HCN4: variants seen among roughly 807,000 people sequenced by gnomAD.
HCN4 encodes the protein hyperpolarization activated cyclic nucleotide gated potassium channel 4.
A neutral mutation model predicts 76.9 loss-of-function variants in HCN4; 29 were observed. The observed-to-expected ratio is 0.38, with a 90% CI of 0.28 to 0.51. The LOEUF (loss-of-function observed/expected upper bound fraction) is 0.51, where lower values mean the gene tolerates loss of function less well. HCN4 is among the 20% of genes least tolerant of loss of function. The pLI, the probability that HCN4 is intolerant of heterozygous loss-of-function variation, is 0.90. For synonymous variants in HCN4, 772 were observed against 762.5 expected (o/e 1.01, Z -0.21); for missense variants, 1,416 against 1,715.2 (o/e 0.83, Z 3.08).
At position 73,323,222 on chromosome 15, in the gene HCN4, G is replaced by A. The variant is rs1325928909; in HGVS notation, c.2871C>T (p.His957=). 2.6e-6 allele frequency: 4 copies of A among 1,529,824 alleles called. No homozygotes were observed. The highest frequency in any genetic ancestry group is 2.6e-5 in the South Asian group (2 of 78,156). The allele number at this position is 1,529,824 out of a possible 1,614,324, so 94.8% of individuals were successfully genotyped here. A position where few individuals can be genotyped will look rare whatever the true frequency, so the allele number is the denominator to read the frequency against. ...GARGGLGLPE[H]FLPPPPSSRS... ...TGGATGAGGGTGGGGGTGGCAGGAA[G>A]TGCTCCGGGAGTCCCAGGCCTCCCC... Residue 957 remains histidine, a synonymous_variant, in exon 8 of 8, where the codon CAC becomes CAT. Coordinates refer to ENST00000261917, the MANE Select transcript of HCN4 (RefSeq NM_005477.3).
chr15:73,343,639 C>G lies in HCN4; in HGVS notation c.955G>C (p.Val319Leu). The change falls in exon 2 of 8, where the codon GTG becomes CTG. Residue 319 changes from valine to leucine, a missense_variant. By Grantham distance (32) the Val-to-Leu change is conservative. Coordinates refer to ENST00000261917, the MANE Select transcript of HCN4 (RefSeq NM_005477.3). This position sits in a 1 kb window ranked among gnomAD's most constrained non-coding sequence, Gnocchi z 5.7. ...DLVLNFRTGI[V>L]VEDNTEIILD... ...ATGATCTCTGTGTTGTCCTCCACCA[C>G]GATCCCTGTGCGGAAGTTGAGGACC... The G allele has an allele frequency of 6.2e-7, 1 of 1,614,158 alleles. No homozygotes were observed. Among genetic ancestry groups the G allele is most frequent in the Non-Finnish European group, 8.5e-7 (1 of 1,180,020 alleles).
chr15:73,368,071 G>C lies in HCN4; in HGVS notation c.200C>G (p.Ser67Cys). 4.0e-6 allele frequency: 6 copies of C among 1,486,282 alleles called. No homozygotes were observed. The highest frequency in any genetic ancestry group is 5.3e-6 in the Non-Finnish European group (6 of 1,123,574). 92.1% of individuals were successfully genotyped at this position (1,486,282 alleles called of 1,614,324 possible). A position where few individuals can be genotyped will look rare whatever the true frequency, so the allele number is the denominator to read the frequency against. The change falls in exon 1 of 8, where the codon TCC (serine) becomes TGC (cysteine). Residue 67 changes from serine (S) to cysteine (C), a missense_variant. Physicochemically the swap from Ser to Cys is moderately radical, Grantham distance 112. Coordinates refer to ENST00000261917, the MANE Select transcript of HCN4 (RefSeq NM_005477.3). This position sits in a 1 kb window ranked among gnomAD's most constrained non-coding sequence, Gnocchi z 6.9. ...SPSAAAGGTE[S>C]RSSALGAADS... ...CGCTGCCCCGAGGGCCGAGCTCCGG[G>C]ACTCCGTGCCACCCGCGGCCGCCGA...
Position 73,325,075 on chromosome 15 carries a change from C to T in HCN4, c.1858G>A (p.Asp620Asn), listed in dbSNP as rs2151215460. ...ATGGTGCCTTCCCGGATGATGTAGT[C>T]CCCAGGCTGGAAGACCTCGAAACGC... ...KLRFEVFQPG[D>N]YIIREGTIGK... The change falls in exon 6 of 8, where the codon GAC becomes AAC. Residue 620 changes from aspartate (D) to asparagine (N), a missense_variant. Around this residue, in one of 6 missense-constraint regions of HCN4, gnomAD observed 241 missense variants for 379.4 expected, o/e 0.64. Coordinates refer to ENST00000261917, the MANE Select transcript of HCN4 (RefSeq NM_005477.3). The surrounding 1 kb of genome is among the most constrained non-coding windows in gnomAD (Gnocchi z 7.4). 1 of 1,614,212 alleles carries T rather than the reference C, an allele frequency of 6.2e-7. No individual in the cohort carries two copies. The highest frequency in any genetic ancestry group is 1.3e-5 in the African/African-American group (1 of 75,056).
intron 1 of HCN4, among the ~76,000 whole-genome samples, chr15:73,345,537 C>T (rs934748465): frequency 6.6e-6 from 1 of 152,148 alleles, no homozygotes; most frequent in African/African-American, 2.4e-5. Flanking sequence ...ATGCAGCACA[C>T]CTGCTAATGA....
rs2043115234 is a variant in HCN4, at chr15:73,363,401, C to T, written c.785+4085G>A. On this transcript the variant is annotated intron_variant, in intron 1 of 7. Transcript: ENST00000261917. Reference sequence around the variant, plus strand: ...TAACTCTGAGCCCTGTTTTTGTTTCCATCCTGCTGGCAATGGGAGGCCCAA... The same window carrying T: ...TAACTCTGAGCCCTGTTTTTGTTTCTATCCTGCTGGCAATGGGAGGCCCAA... 3.9e-5 allele frequency among the ~76,000 whole-genome samples: 6 copies of T among 152,184 alleles called. No homozygotes were observed. The South Asian group carries it at 1.0e-3, about 26-fold the overall frequency.
At chr15:73,345,749 G>A (rs1325954456) in intron 1 of HCN4, among the ~76,000 whole-genome samples, 1 of 152,090 alleles carries the variant, frequency 6.6e-6, no homozygotes, top group Non-Finnish European at 1.5e-5. Flanking sequence ...AATCTCCTGG[G>A]AAAAACAAAA....
intron 1 of HCN4, among the ~76,000 whole-genome samples, chr15:73,348,676 A>T (rs377597292): frequency 6.6e-6 from 1 of 152,102 alleles, no homozygotes; most frequent in South Asian, 2.1e-4. Flanking sequence ...TTAGCTCCTA[A>T]AACACCATGG....
rs748188673 is a variant in HCN4, at chr15:73,329,677, T to C, written c.1486A>G (p.Met496Val). ...GTGGCACCCACGATCATGCTGAGCA[T>C]GGTGAGCCAGACGTCGGACATGCCC... ...PVGMSDVWLT[M>V]LSMIVGATCY... Residue 496 changes from methionine (M) to valine (V), a missense_variant, in exon 4 of 8, where the codon ATG becomes GTG. Physicochemically the swap from Met to Val is conservative, Grantham distance 21. Transcript: ENST00000261917. 1 of 1,614,140 alleles carries C rather than the reference T, an allele frequency of 6.2e-7. No individual in the cohort carries two copies. The highest frequency in any genetic ancestry group is 2.2e-5 in the East Asian group (1 of 44,872).
Position 73,322,505 on chromosome 15 carries a change from G to A in HCN4, c.3588C>T (p.Arg1196=). The A allele has an allele frequency of 2.5e-6, 4 of 1,599,248 alleles. No individual in the cohort carries two copies. Among genetic ancestry groups the A allele is most frequent in the Non-Finnish European group, 2.6e-6 (3 of 1,172,890 alleles). Residue 1196 remains arginine (R), a synonymous_variant, in exon 8 of 8, where the codon CGC becomes CGT. Coordinates refer to ENST00000261917, the MANE Select transcript of HCN4 (RefSeq NM_005477.3). Reference sequence around the variant, plus strand: ...CTCATAGATTGGATGGCAGTTTGGAGCGCACTGGCTCAGGCCTGGCCCCAG... The same window carrying A: ...CTCATAGATTGGATGGCAGTTTGGAACGCACTGGCTCAGGCCTGGCCCCAG... The part of the protein sequence containing the change: ...REPGARPEPV[R]SKLPSNL
chr15:73,364,578 C>G (rs1863983648), intron 1 of HCN4, among the ~76,000 whole-genome samples: 1 of 152,122 alleles, frequency 6.6e-6, no homozygotes, highest in Admixed American at 6.5e-5. Flanking sequence ...AGCATCCTGG[C>G]CTCTTCCCTT....
chr15:73,353,518 C>T (rs1028253866), intron 1 of HCN4, among the ~76,000 whole-genome samples: 4 of 152,166 alleles, frequency 2.6e-5, no homozygotes, highest in East Asian at 1.9e-4. Flanking sequence ...GACACAGACA[C>T]GTGACACGCA....
intron 2 of HCN4, among the ~76,000 whole-genome samples, chr15:73,340,069 CCTGGGGCCTCTG>C (rs1277568761): frequency 6.6e-6 from 1 of 152,248 alleles, no homozygotes; most frequent in African/African-American, 2.4e-5. Context: ...CTCAAGGCCT[CCTGGGGCCTCTG>C]CCTCCCCCAG....
At chr15:73,339,914 C>G (rs1038135374) in intron 2 of HCN4, among the ~76,000 whole-genome samples, 4 of 152,298 alleles carry the variant, frequency 2.6e-5, no homozygotes, top group Admixed American at 2.6e-4. Flanking sequence ...GTGTGCCCGG[C>G]AGAAACTAGC....
intron 1 of HCN4, among the ~76,000 whole-genome samples, chr15:73,362,864 A>C (rs779299010): frequency 2.0e-5 from 3 of 152,194 alleles, no homozygotes; most frequent in Non-Finnish European, 4.4e-5. Flanking sequence ...TGCAGCAGGG[A>C]GAACCTGGAG....
rs112777666 is a variant in HCN4 at position 73,326,799 on chromosome 15, T to G, written c.1591-1355A>C. 4.6e-3 allele frequency among the ~76,000 whole-genome samples: 692 copies of G among 151,610 alleles called. 3 individuals are homozygous for G. The highest frequency in any genetic ancestry group is 7.4e-3 in the Non-Finnish European group (499 of 67,838). On this transcript the variant is annotated intron_variant, in intron 4 of 7. Transcript: ENST00000261917. ...TTTATTTATTTATTTATTTATTTTT[T>G]TTGTTAAGACAGGGTCTCGTTGTGT...
Position 73,367,792 on chromosome 15 carries a change from T to TGCGCCGAG in HCN4, c.471_478dup (p.Gln160ProfsTer75). The stretch of plus-strand genomic sequence containing the variant: ...GGGCGGCGGCGGCGAGGCTGCGGGC[T>TGCGCCGAG]GCGCCGAGGCGCCGGGGCGCTCGGG... On this transcript the variant is annotated frameshift_variant, in exon 1 of 8. Transcript: ENST00000261917. LOFTEE classifies it high-confidence loss of function. The surrounding 1 kb of genome is among the most constrained non-coding windows in gnomAD (Gnocchi z 7.5). 1 of 1,296,884 alleles carries TGCGCCGAG rather than the reference T, an allele frequency of 7.7e-7. No homozygotes were observed. Among genetic ancestry groups the TGCGCCGAG allele is most frequent in the Non-Finnish European group, 9.7e-7 (1 of 1,032,194 alleles). The allele number at this position is 1,296,884 out of a possible 1,614,324, so 80.3% of individuals were successfully genotyped here.
Position 73,325,983 on chromosome 15 carries a change from G to A in HCN4, c.1591-539C>T, listed in dbSNP as rs78564478. On this transcript the variant is annotated intron_variant, in intron 4 of 7. Coordinates refer to ENST00000261917, the MANE Select transcript of HCN4 (RefSeq NM_005477.3). The surrounding 1 kb of genome is among the most constrained non-coding windows in gnomAD (Gnocchi z 7.4). ...AGCTGAGACCCCGGGTCATTTCGTT[G>A]AGAGCAACTCCAGGTAAGGGAAAAG... 7.9e-3 allele frequency among the ~76,000 whole-genome samples: 1,197 copies of A among 152,244 alleles called. 17 individuals are homozygous for A. The highest frequency in any genetic ancestry group is 0.028 in the African/African-American group (1,145 of 41,538).
chr15:73,333,717 C>T (rs2042946741), intron 2 of HCN4, among the ~76,000 whole-genome samples: 1 of 152,196 alleles, frequency 6.6e-6, no homozygotes, highest in South Asian at 2.1e-4. Flanking sequence ...CCCATCATTT[C>T]CCTGTGGCCC....
chr15:73,341,353 G>C (rs1410383852), intron 2 of HCN4, among the ~76,000 whole-genome samples: 1 of 151,956 alleles, frequency 6.6e-6, no homozygotes, highest in Admixed American at 6.6e-5. Context: ...CGTTGGCCAG[G>C]CTGGTTTTGA....
Sources: allele counts gnomAD v4.1 joint callset (sites outside exome capture counted in the v4.1 genomes callset), GRCh38; gene constraint gnomAD v4.1.1; regional missense constraint gnomAD v4.1.1; non-coding constraint Gnocchi (gnomAD v3.1); transcripts MANE v1.5; gene names NCBI Gene and HGNC (gene_info 2026-07-23, HGNC 2026-07-21).